The following POFUT3 variants were observed in gnomAD, a reference collection of about 807,000 sequenced individuals.
POFUT3 encodes GDP-fucose protein O-fucosyltransferase 3.
At chr8:33,377,410 T>C in the POFUT3 span, 1 of 152,194 alleles carries the variant, frequency 6.6e-6, no homozygotes, top group African/African-American at 2.4e-5. Flanking sequence ...TTGCTCATGA[T>C]ACTCGAGTCA....
the POFUT3 span, among the ~76,000 whole-genome samples, chr8:33,413,043 C>T: frequency 5.4e-3 from 821 of 152,290 alleles, 10 homozygotes; most frequent in African/African-American, 0.019. Context: ...TCTAGGTATA[C>T]GAGACCGTGA....
the POFUT3 span, among the ~76,000 whole-genome samples, chr8:33,318,582 T>C: frequency 2.3e-5 from 2 of 85,992 alleles, no homozygotes; most frequent in Non-Finnish European, 4.0e-5. Context: ...AAATATATTG[T>C]ATATATATTT....
At chr8:33,412,773 G>A in the POFUT3 span, among the ~76,000 whole-genome samples, 191 of 152,160 alleles carry the variant, frequency 1.3e-3, no homozygotes, top group African/African-American at 2.7e-3. Context: ...GATTACAGGC[G>A]TGCACCATCA....
chr8:33,400,035 G>T, the POFUT3 span, among the ~76,000 whole-genome samples: 1 of 150,528 alleles, frequency 6.6e-6, no homozygotes, highest in Non-Finnish European at 1.5e-5. Context: ...AAAGTAAAGT[G>T]AACAAAAGAT....
the POFUT3 span, among the ~76,000 whole-genome samples, chr8:33,402,694 C>T: frequency 2.0e-5 from 3 of 152,008 alleles, no homozygotes; most frequent in Non-Finnish European, 1.5e-5. Context: ...TCTCCGATGG[C>T]AGTAAAAAAA....
the POFUT3 span, among the ~76,000 whole-genome samples, chr8:33,411,904 C>T: frequency 3.9e-5 from 6 of 152,232 alleles, no homozygotes; most frequent in African/African-American, 1.2e-4. Flanking sequence ...CACTGGGCAG[C>T]GCCAGAGAAC....
the POFUT3 span, among the ~76,000 whole-genome samples, chr8:33,412,228 C>T: frequency 6.6e-6 from 1 of 152,114 alleles, no homozygotes; most frequent in African/African-American, 2.4e-5. Flanking sequence ...TTAATAAGGC[C>T]TCACATATCT....
chr8:33,431,791 G>C, the POFUT3 span, among the ~76,000 whole-genome samples: 32 of 151,802 alleles, frequency 2.1e-4, no homozygotes, highest in African/African-American at 7.7e-4. Flanking sequence ...ATAAATAATA[G>C]GCATATATGA....
the POFUT3 span, among the ~76,000 whole-genome samples, chr8:33,311,858 A>G: frequency 6.6e-6 from 1 of 152,184 alleles, no homozygotes; most frequent in African/African-American, 2.4e-5. Flanking sequence ...ACAACTCCCA[A>G]TACCTGTGAA....
chr8:33,471,401 C>T, the POFUT3 span, among the ~76,000 whole-genome samples: 1 of 152,070 alleles, frequency 6.6e-6, no homozygotes, highest in Non-Finnish European at 1.5e-5. Flanking sequence ...GCACACGCCA[C>T]CACATGAGCC....
At chr8:33,349,383 C>T in the POFUT3 span, among the ~76,000 whole-genome samples, 1 of 152,188 alleles carries the variant, frequency 6.6e-6, no homozygotes, top group Non-Finnish European at 1.5e-5. Context: ...GCACCCATCA[C>T]CTGACCAGCG....
At chr8:33,326,367 T>C in the POFUT3 span, among the ~76,000 whole-genome samples, 1 of 152,116 alleles carries the variant, frequency 6.6e-6, no homozygotes, top group Non-Finnish European at 1.5e-5. Context: ...AAAACCCCAC[T>C]CTACGTCTAT....
chr8:33,450,853 G>A, the POFUT3 span, among the ~76,000 whole-genome samples: 1 of 152,030 alleles, frequency 6.6e-6, no homozygotes, highest in Non-Finnish European at 1.5e-5. Flanking sequence ...CTGTAGATCT[G>A]TGAGTCCCAA....
chr8:33,460,660 C>A, the POFUT3 span: 1 of 893,274 alleles, frequency 1.1e-6, no homozygotes, highest in Non-Finnish European at 1.3e-6. Context: ...ACAGACTGAG[C>A]TTTACTTCCT....
At chr8:33,354,132 G>A in the POFUT3 span, among the ~76,000 whole-genome samples, 1 of 152,196 alleles carries the variant, frequency 6.6e-6, no homozygotes, top group Non-Finnish European at 1.5e-5. Context: ...TGTTTGGTGT[G>A]TTGTTGGTGT....
the POFUT3 span, chr8:33,436,468 G>C: frequency 7.0e-7 from 1 of 1,428,694 alleles, no homozygotes; most frequent in Middle Eastern, 1.8e-4. Context: ...ATGCAACTTG[G>C]TTGAGGTTTT....
the POFUT3 span, among the ~76,000 whole-genome samples, chr8:33,427,059 A>G: frequency 1.3e-5 from 2 of 152,212 alleles, no homozygotes; most frequent in East Asian, 3.9e-4. Flanking sequence ...AAACAAGCAT[A>G]CAGCCCCCTG....
chr8:33,319,138 TATATAATATATAA>T, the POFUT3 span, among the ~76,000 whole-genome samples: 1 of 78,828 alleles, frequency 1.3e-5, no homozygotes, highest in Non-Finnish European at 2.0e-5. Context: ...TACATATATT[TATATAATATATAA>T]ATATATTTTA....
chr8:33,450,287 C>G, the POFUT3 span, among the ~76,000 whole-genome samples: 1 of 152,174 alleles, frequency 6.6e-6, no homozygotes, highest in Non-Finnish European at 1.5e-5. Context: ...TCTCTCCTGT[C>G]TTTGAAACCC....
Sources: gnomAD v4.1 joint callset for allele counts (sites outside exome capture counted in the v4.1 genomes callset) on GRCh38, gnomAD v4.1.1 for gene constraint, MANE v1.5 for transcripts, NCBI Gene and HGNC (gene_info 2026-07-23, HGNC 2026-07-21) for gene names.